The following IL7 variants were observed in gnomAD, a reference collection of about 807,000 sequenced individuals.
IL7 encodes interleukin-7.
A neutral mutation model predicts 21.6 loss-of-function variants in IL7; 3 were observed. The observed-to-expected ratio is 0.14, with a 90% CI of 0.06 to 0.36. IL7 has a LOEUF of 0.36. Ranked by LOEUF, IL7 falls within the 10% of genes least tolerant of loss-of-function variation. The pLI is 1.00. For synonymous variants in IL7, 62 were observed against 68.1 expected, an observed-to-expected ratio of 0.91 and a Z score of 0.44; for missense variants, 175 against 200.2, an observed-to-expected ratio of 0.87 and a Z score of 0.76.
At chr8:78,749,603 G>A (rs2130728204) in intron 2 of IL7, among the ~76,000 whole-genome samples, 1 of 152,288 alleles carries the variant, frequency 6.6e-6, no homozygotes, top group African/African-American at 2.4e-5. Context: ...TTGGCAAATT[G>A]CTGAAGGCTC....
At chr8:78,752,895 T>TC (rs958160964) in intron 2 of IL7, among the ~76,000 whole-genome samples, 52 of 152,154 alleles carry the variant, frequency 3.4e-4, no homozygotes, top group African/African-American at 1.2e-3. Flanking sequence ...GTTTCCTGCT[T>TC]CATCCATGTC....
chr8:78,763,884 A>G (rs1218328190), intron 2 of IL7, among the ~76,000 whole-genome samples: 1 of 152,132 alleles, frequency 6.6e-6, no homozygotes, highest in Non-Finnish European at 1.5e-5. Context: ...AAATAAAACT[A>G]TAGACAAGTA....
At chr8:78,794,381 C>T (rs1322924891) in intron 2 of IL7, among the ~76,000 whole-genome samples, 1 of 152,096 alleles carries the variant, frequency 6.6e-6, no homozygotes, top group Admixed American at 6.6e-5. Flanking sequence ...TAATATCCAT[C>T]AGCACTCTTG....
In IL7 at chr8:78,684,882, A is replaced by G. The variant is rs567783703; in HGVS notation, n.273+1007T>C. On this transcript the variant is annotated intron_variant and non_coding_transcript_variant, in intron 4 of 4. Transcript: ENST00000523959. ...TGTTTTTCAAATAGAAATATATCCC[A>G]TATTCTTGTATAGGTAGACTCGACC... Among the ~76,000 whole-genome samples the G allele has an allele frequency of 2.6e-5, 4 of 152,324 alleles. No homozygotes were observed. The South Asian group carries it at 6.2e-4, about 24-fold the overall frequency.
At chr8:78,682,917 C>T (rs989286178) in intron 4 of IL7, among the ~76,000 whole-genome samples, 6 of 152,154 alleles carry the variant, frequency 3.9e-5, no homozygotes, top group African/African-American at 1.2e-4. Context: ...ACAAAGGGGC[C>T]ACAGGCTCCA....
chr8:78,757,850 G>A (rs1812402559), intron 2 of IL7, among the ~76,000 whole-genome samples: 1 of 152,004 alleles, frequency 6.6e-6, no homozygotes, highest in Non-Finnish European at 1.5e-5. Context: ...ATGTGTTGTG[G>A]GAGGGACCCA....
chr8:78,770,649 A>C (rs1036834283), intron 2 of IL7, among the ~76,000 whole-genome samples: 1 of 152,058 alleles, frequency 6.6e-6, no homozygotes, highest in Non-Finnish European at 1.5e-5. Context: ...TCTTAATTAT[A>C]TATACATATG....
chr8:78,779,444 G>A (rs1813243427), intron 2 of IL7, among the ~76,000 whole-genome samples: 1 of 152,188 alleles, frequency 6.6e-6, no homozygotes, highest in East Asian at 1.9e-4. Context: ...TTTTTAACAT[G>A]GGGGGATGTT....
At chr8:78,695,656 C>CTG (rs1563631355) in intron 3 of IL7, among the ~76,000 whole-genome samples, 1 of 151,882 alleles carries the variant, frequency 6.6e-6, no homozygotes, top group African/African-American at 2.4e-5. Context: ...CTTTCTCTCT[C>CTG]TATATATATA....
rs116286247 is a variant in IL7 at position 78,787,687 on chromosome 8, T to A, written c.147+10385A>T. On this transcript the variant is annotated intron_variant, in intron 2 of 5. Transcript: ENST00000263851. Reference sequence around the variant, plus strand: ...GTTTTGCTTTTCATAGAGACTACCATATTTAGGGGTCATTTCCCCAATTCA... The same window carrying A: ...GTTTTGCTTTTCATAGAGACTACCAAATTTAGGGGTCATTTCCCCAATTCA... Among the ~76,000 whole-genome samples, 922 of 152,284 alleles carry A rather than the reference T, an allele frequency of 6.1e-3. 10 individuals are homozygous for A. Among genetic ancestry groups the A allele is most frequent in the African/African-American group, 0.02 (839 of 41,550 alleles).
intron 2 of IL7, among the ~76,000 whole-genome samples, chr8:78,773,358 T>G (rs946457647): frequency 2.0e-5 from 3 of 152,164 alleles, no homozygotes; most frequent in African/African-American, 4.8e-5. Flanking sequence ...AGAAATGGAC[T>G]TTTTTCTCAT....
chr8:78,738,737 T>C, intron 3 of IL7, 102 bp from the exon 4 acceptor site: 1 of 1,011,020 alleles, frequency 9.9e-7, no homozygotes, highest in South Asian at 1.7e-5. Context: ...TGCTAGGTAA[T>C]GCCCCGCCTC....
At chr8:78,801,702 T>C (rs142107162) in intron 1 of IL7, among the ~76,000 whole-genome samples, 17 of 152,332 alleles carry the variant, frequency 1.1e-4, no homozygotes, top group African/African-American at 4.1e-4. Flanking sequence ...AATGATCTTT[T>C]TCATCTTGCA....
chr8:78,799,280 A>C (rs1406650015), intron 1 of IL7, among the ~76,000 whole-genome samples: 1 of 152,196 alleles, frequency 6.6e-6, no homozygotes, highest in African/African-American at 2.4e-5. Flanking sequence ...GACAGCCTGA[A>C]GACTGTTAGG....
chr8:78,687,581 C>T (rs1427210194), intron 3 of IL7, among the ~76,000 whole-genome samples: 20 of 133,440 alleles, frequency 1.5e-4, no homozygotes, highest in South Asian at 6.8e-4. Flanking sequence ...TATATATTTA[C>T]GTAATAAATT....
At chr8:78,717,291 C>A (rs780097833), downstream of IL7, 6 of 1,583,142 alleles carry the variant, frequency 3.8e-6, no homozygotes, top group Admixed American at 3.6e-5. Context: ...ACTACTGATA[C>A]AAACTTTATC....
At chr8:78,715,122 G>T, downstream of IL7, 1 of 1,025,434 alleles carries the variant, frequency 9.8e-7, no homozygotes, top group Non-Finnish European at 1.4e-6. Context: ...GAACTTCTCT[G>T]AAGCTTCTAA....
chr8:78,764,533 C>G (rs1212307390), intron 2 of IL7, among the ~76,000 whole-genome samples: 1 of 151,756 alleles, frequency 6.6e-6, no homozygotes, highest in East Asian at 1.9e-4. Context: ...TATGTACCAT[C>G]AATGAACAAG....
At chr8:78,690,374 C>A (rs570159325) in intron 3 of IL7, among the ~76,000 whole-genome samples, 63 of 152,232 alleles carry the variant, frequency 4.1e-4, no homozygotes, top group Non-Finnish European at 6.5e-4. Context: ...TCCTGGCTAA[C>A]ACGGTGAAAC....
Sources: gnomAD v4.1 joint callset for allele counts (sites outside exome capture counted in the v4.1 genomes callset) on GRCh38, gnomAD v4.1.1 for gene constraint, MANE v1.5 for transcripts, NCBI Gene and HGNC (gene_info 2026-07-23, HGNC 2026-07-21) for gene names.